CRIM1: variants seen among roughly 807,000 people sequenced by gnomAD.
CRIM1 encodes cysteine rich transmembrane BMP regulator 1, also known as cysteine-rich motor neuron 1 protein.
CRIM1 carries 32 observed loss-of-function variants against 116.4 expected under a neutral mutation model. The ratio of observed to expected loss-of-function variants is 0.27; its 90% CI spans 0.21 to 0.37. CRIM1 has a LOEUF of 0.37. Among genes scored for constraint, CRIM1 ranks in the 10% least tolerant of loss-of-function variants. CRIM1 has a pLI of 1.00. For missense variants in CRIM1, 1,331 were observed against 1,354.8 expected, an observed-to-expected ratio of 0.98 and a Z score of 0.28; for synonymous variants, 590 against 509.2, an observed-to-expected ratio of 1.16 and a Z score of -2.13.
intron 11 of CRIM1, among the ~76,000 whole-genome samples, chr2:36,514,934 T>G (rs1390434434): frequency 6.6e-6 from 1 of 152,314 alleles, no homozygotes; most frequent in South Asian, 2.1e-4. Context: ...AGATGACTCT[T>G]TTTATTTTGT....
At chr2:36,463,160 C>T (rs1261366962) in intron 4 of CRIM1, among the ~76,000 whole-genome samples, 1 of 152,176 alleles carries the variant, frequency 6.6e-6, no homozygotes, top group Non-Finnish European at 1.5e-5. Context: ...GTGTTTAAAG[C>T]CACCTTTCCA....
chr2:36,397,003 G>T (rs906665182), intron 2 of CRIM1, among the ~76,000 whole-genome samples: 1 of 152,132 alleles, frequency 6.6e-6, no homozygotes, highest in African/African-American at 2.4e-5. Flanking sequence ...GGTGTGAGCA[G>T]GGCCCTCTGT....
chr2:36,547,748 T>C (rs1457637488), intron 16 of CRIM1, among the ~76,000 whole-genome samples: 1 of 152,186 alleles, frequency 6.6e-6, no homozygotes, highest in Non-Finnish European at 1.5e-5. Context: ...AAAAGATGTA[T>C]GTTTGTTTTC....
chr2:36,359,285 T>C (rs1268653117), intron 1 of CRIM1, among the ~76,000 whole-genome samples: 1 of 152,254 alleles, frequency 6.6e-6, no homozygotes, highest in East Asian at 1.9e-4. Flanking sequence ...TAAAAACATA[T>C]TGCATGTTAT....
chr2:36,358,480 A>G (rs1011113503), intron 1 of CRIM1, among the ~76,000 whole-genome samples: 3 of 152,210 alleles, frequency 2.0e-5, no homozygotes, highest in Non-Finnish European at 4.4e-5. Context: ...GTTTCTGGTG[A>G]AGGAAGTGCT....
chr2:36,435,586 A>C (rs965799578), intron 2 of CRIM1, among the ~76,000 whole-genome samples: 1 of 151,522 alleles, frequency 6.6e-6, no homozygotes, highest in Admixed American at 6.6e-5. Context: ...CTTCTCGTAG[A>C]TCATGATTGT....
chr2:36,399,191 A>G (rs1025951339), intron 2 of CRIM1, among the ~76,000 whole-genome samples: 2 of 152,216 alleles, frequency 1.3e-5, no homozygotes, highest in Non-Finnish European at 2.9e-5. Flanking sequence ...ACATTGTGCA[A>G]CAAGCTTAAG....
chr2:36,424,237 C>T (rs141523005), intron 2 of CRIM1, among the ~76,000 whole-genome samples: 11 of 152,264 alleles, frequency 7.2e-5, no homozygotes, highest in African/African-American at 2.4e-4. Context: ...CGAAAATAGA[C>T]TGAGAGAAGG....
At chr2:36,541,274 C>T (rs1206610203) in intron 14 of CRIM1, among the ~76,000 whole-genome samples, 4 of 152,140 alleles carry the variant, frequency 2.6e-5, no homozygotes, top group Non-Finnish European at 4.4e-5. Context: ...GAGCACTTCC[C>T]GGTCTGTCCA....
chr2:36,440,427 T>C (rs1028244471), intron 2 of CRIM1, among the ~76,000 whole-genome samples: 2 of 152,186 alleles, frequency 1.3e-5, no homozygotes, highest in Non-Finnish European at 2.9e-5. Context: ...TCTATTTCCA[T>C]CTTTTCCTCA....
rs1204099599 is a variant in CRIM1 at position 36,428,489 on chromosome 2, T to C, written c.506-12769T>C. 2.0e-5 allele frequency among the ~76,000 whole-genome samples: 3 copies of C among 152,234 alleles called. No homozygotes were observed. The East Asian group carries it at 5.8e-4, about 29-fold the overall frequency. On this transcript the variant is annotated intron_variant, in intron 2 of 16. Coordinates refer to ENST00000280527, the MANE Select transcript of CRIM1 (RefSeq NM_016441.3). Reference sequence around the variant, plus strand: ...TTATTGAAAATTCTGAGCTATAGAATACTGTAGAAGAAGCCTGGGCTTTCT... The same window carrying C: ...TTATTGAAAATTCTGAGCTATAGAACACTGTAGAAGAAGCCTGGGCTTTCT...
chr2:36,495,475 ATTTTTTTTT>A (rs1024205619), intron 7 of CRIM1, among the ~76,000 whole-genome samples: 2 of 129,644 alleles, frequency 1.5e-5, no homozygotes, highest in African/African-American at 2.8e-5. Context: ...TTATTTATTT[ATTTTTTTTT>A]TTTTTTTTTT....
At chr2:36,509,883 A>C in intron 8 of CRIM1, 100 bp from the exon 9 acceptor site, 2 of 1,025,336 alleles carry the variant, frequency 2.0e-6, no homozygotes, top group Non-Finnish European at 2.9e-6. Flanking sequence ...AGAAATTGAG[A>C]TCTGTGGAAG....
chr2:36,544,358 A>T lies in CRIM1; in HGVS notation c.2624-18A>T, dbSNP rs750853480. On this transcript the variant is annotated intron_variant, in intron 14 of 16. Transcript: ENST00000280527. ...AGCAGCTTCATCATCTCTTAGGAAA[A>T]ATGTTCCCTTCTTTTAGAAATGTAT... The T allele has an allele frequency of 1.5e-6, 2 of 1,335,734 alleles. No homozygotes were observed. Among genetic ancestry groups the T allele is most frequent in the Non-Finnish European group, 1.9e-6 (2 of 1,033,308 alleles). 82.7% of individuals were successfully genotyped at this position (1,335,734 alleles called of 1,614,324 possible). A position where few individuals can be genotyped will look rare whatever the true frequency, so the allele number is the denominator to read the frequency against.
intron 4 of CRIM1, among the ~76,000 whole-genome samples, chr2:36,462,063 A>C (rs948046929): frequency 6.6e-6 from 1 of 152,234 alleles, no homozygotes; most frequent in Non-Finnish European, 1.5e-5. Context: ...CACACCAGCT[A>C]GCAAAACCAG....
chr2:36,428,735 G>A (rs1322525683), intron 2 of CRIM1, among the ~76,000 whole-genome samples: 1 of 152,200 alleles, frequency 6.6e-6, no homozygotes, highest in Non-Finnish European at 1.5e-5. Context: ...TGTTTCTCAA[G>A]TGATTCAGAA....
chr2:36,364,002 G>C (rs552386317), intron 1 of CRIM1, among the ~76,000 whole-genome samples: 1 of 152,212 alleles, frequency 6.6e-6, no homozygotes, highest in African/African-American at 2.4e-5. Flanking sequence ...ATCGCCTATG[G>C]GTCTTGTCTC....
At chr2:36,385,570 G>A (rs1671111709) in intron 1 of CRIM1, among the ~76,000 whole-genome samples, 1 of 152,012 alleles carries the variant, frequency 6.6e-6, no homozygotes. Context: ...GCCTCTGCTT[G>A]TCCTGGTGGT....
At chr2:36,447,335 A>G (rs775231962) in intron 4 of CRIM1, among the ~76,000 whole-genome samples, 4 of 152,202 alleles carry the variant, frequency 2.6e-5, no homozygotes, top group Non-Finnish European at 5.9e-5. Context: ...ATCGGGGAAT[A>G]TGAATTTATA....
Sources: gnomAD v4.1 joint callset for allele counts (sites outside exome capture counted in the v4.1 genomes callset) on GRCh38, gnomAD v4.1.1 for gene constraint, MANE v1.5 for transcripts, NCBI Gene and HGNC (gene_info 2026-07-23, HGNC 2026-07-21) for gene names.